Variants in SNX16 observed in about 807,000 individuals in gnomAD.
The protein encoded by SNX16 is sorting nexin 16.
Under a neutral mutation model 36.7 loss-of-function variants are expected in SNX16, and 35 were observed. The ratio of observed to expected loss-of-function variants is 0.95; its 90% confidence interval spans 0.73 to 1.27. SNX16 has a LOEUF of 1.27. Among genes scored for constraint, SNX16 ranks in the 50% most tolerant of loss-of-function variants. The pLI, the probability that SNX16 is intolerant of heterozygous loss-of-function variation, is 0.00. For synonymous variants in SNX16, 134 were observed against 132.0 expected (o/e 1.02, Z -0.10); for missense variants, 367 against 393.6 (o/e 0.93, Z 0.57).
At chr8:81,801,651 T>C (rs1809699316) in intron 7 of SNX16, 58 bp from the exon 8 acceptor site, 1 of 1,036,634 alleles carries the variant, frequency 9.6e-7, no homozygotes, top group Non-Finnish European at 1.4e-6. Flanking sequence ...CATGCTATTA[T>C]TTCATTTTCA....
intron 5 of SNX16, among the ~76,000 whole-genome samples, chr8:81,809,246 T>C (rs1026954215): frequency 6.6e-6 from 1 of 152,174 alleles, no homozygotes; most frequent in Admixed American, 6.5e-5. Context: ...ATAGTTACTG[T>C]TGTGACCTGA....
At chr8:81,838,497 T>C (rs1016581316) in intron 2 of SNX16, among the ~76,000 whole-genome samples, 3 of 151,028 alleles carry the variant, frequency 2.0e-5, no homozygotes, top group African/African-American at 7.3e-5. Flanking sequence ...ACATGATTTA[T>C]GACACAGACA....
At chr8:81,827,045 T>A (rs1811050700) in intron 3 of SNX16, among the ~76,000 whole-genome samples, 1 of 152,176 alleles carries the variant, frequency 6.6e-6, no homozygotes, top group South Asian at 2.1e-4. Flanking sequence ...ACATACTTTT[T>A]AAAAATATTG....
chr8:81,809,750 A>G (rs1372723126), intron 5 of SNX16, among the ~76,000 whole-genome samples: 1 of 152,218 alleles, frequency 6.6e-6, no homozygotes, highest in Non-Finnish European at 1.5e-5. Context: ...TGATATAACA[A>G]ATTTGGGGTG....
chr8:81,811,274 C>T (rs367745708), intron 5 of SNX16, among the ~76,000 whole-genome samples: 25 of 152,186 alleles, frequency 1.6e-4, no homozygotes, highest in African/African-American at 3.1e-4. Flanking sequence ...TTCTGGGAAA[C>T]GATATATCTA....
At chr8:81,806,981 A>G (rs1228846135) in intron 5 of SNX16, among the ~76,000 whole-genome samples, 1 of 152,112 alleles carries the variant, frequency 6.6e-6, no homozygotes, top group Admixed American at 6.5e-5. Context: ...GCAAAGATCT[A>G]TTAATAGGAA....
At chr8:81,835,209 G>A (rs1343404454) in intron 2 of SNX16, among the ~76,000 whole-genome samples, 1 of 152,166 alleles carries the variant, frequency 6.6e-6, no homozygotes, top group African/African-American at 2.4e-5. Context: ...TGGCTGGAGC[G>A]GCTGGGACGC....
rs1809596593 is a variant in SNX16 at position 81,799,720 on chromosome 8, A to G, written c.*1777T>C. The G allele has an allele frequency of 6.6e-6, 1 of 151,950 alleles. No individual in the cohort carries two copies. The highest frequency in any genetic ancestry group is 6.5e-5 in the Admixed American group (1 of 15,272). 9.4% of individuals were successfully genotyped at this position (151,950 alleles called of 1,614,324 possible). The stretch of plus-strand genomic sequence containing the variant: ...AGATTTTTTTCTTCATCCTTGAAGA[A>G]CTTTAAATACAATCTTCCAAAAAGC... On this transcript the variant is annotated 3_prime_UTR_variant, in exon 8 of 8. Coordinates refer to ENST00000345957, the MANE Select transcript of SNX16 (RefSeq NM_152836.3).
intron 5 of SNX16, chr8:81,808,523 A>C: frequency 1.0e-6 from 1 of 978,242 alleles, no homozygotes; most frequent in Non-Finnish European, 1.6e-6. Context: ...GTAATGATGG[A>C]AGCAACTTTG....
At chr8:81,829,883 A>G (rs1811176021) in intron 2 of SNX16, among the ~76,000 whole-genome samples, 1 of 152,198 alleles carries the variant, frequency 6.6e-6, no homozygotes. Flanking sequence ...TTTAAACTTA[A>G]TAACTATCAA....
intron 5 of SNX16, 142 bp from the exon 6 acceptor site, chr8:81,803,370 T>C: frequency 1.1e-6 from 1 of 882,782 alleles, no homozygotes; most frequent in East Asian, 2.8e-5. Context: ...TCCAAATGAT[T>C]TGTTCTCTAC....
At chr8:81,829,541 G>T in intron 2 of SNX16, 25 bp from the exon 3 acceptor site, 1 of 1,041,820 alleles carries the variant, frequency 9.6e-7, no homozygotes, top group Non-Finnish European at 1.3e-6. Context: ...AAAAACAGAC[G>T]GAGAGAAAAA....
At chr8:81,826,657 T>C (rs1811034319) in intron 3 of SNX16, among the ~76,000 whole-genome samples, 1 of 152,140 alleles carries the variant, frequency 6.6e-6, no homozygotes, top group Non-Finnish European at 1.5e-5. Flanking sequence ...GAGGCTCTTA[T>C]CACTCCCAGA....
In SNX16 at chr8:81,799,793, A is replaced by G. The variant is rs527806155; in HGVS notation, c.*1704T>C. Reference sequence around the variant, plus strand: ...CGCTTTAGAACAGACAGGCAACACTATAATATCTAGAATTTGGCAAAGATC... The same window carrying G: ...CGCTTTAGAACAGACAGGCAACACTGTAATATCTAGAATTTGGCAAAGATC... On this transcript the variant is annotated 3_prime_UTR_variant, in exon 8 of 8. Coordinates refer to ENST00000345957, the MANE Select transcript of SNX16 (RefSeq NM_152836.3). The G allele has an allele frequency of 2.4e-4, 36 of 152,088 alleles. No homozygotes were observed. Among genetic ancestry groups the G allele is most frequent in the African/African-American group, 8.2e-4 (34 of 41,562 alleles). The allele number at this position is 152,088 out of a possible 1,614,324, so 9.4% of individuals were successfully genotyped here.
At chr8:81,840,625 A>G (rs1811702348) in intron 1 of SNX16, among the ~76,000 whole-genome samples, 1 of 152,212 alleles carries the variant, frequency 6.6e-6, no homozygotes, top group East Asian at 1.9e-4. Flanking sequence ...GTATAATTCT[A>G]TAGAACCCAG....
At chr8:81,808,829 G>A (rs1563433385) in intron 5 of SNX16, 1 of 710,084 alleles carries the variant, frequency 1.4e-6, no homozygotes, top group Non-Finnish European at 2.5e-6. Flanking sequence ...GCACAGTGGT[G>A]GCAGGGCCTA....
At chr8:81,809,383 A>G (rs958321669) in intron 5 of SNX16, among the ~76,000 whole-genome samples, 29 of 152,328 alleles carry the variant, frequency 1.9e-4, no homozygotes, top group African/African-American at 5.1e-4. Context: ...ATAGATGGGA[A>G]TGAAGCTTGT....
At chr8:81,824,875 T>C (rs993438827) in intron 3 of SNX16, among the ~76,000 whole-genome samples, 4 of 152,144 alleles carry the variant, frequency 2.6e-5, no homozygotes, top group African/African-American at 7.2e-5. Flanking sequence ...AGGCCTCAGC[T>C]GAAAGACTTG....
intron 4 of SNX16, among the ~76,000 whole-genome samples, chr8:81,822,377 G>A (rs534262580): frequency 1.3e-5 from 2 of 152,194 alleles, no homozygotes; most frequent in East Asian, 3.9e-4. Flanking sequence ...TATGGCAAAT[G>A]TACAGAGAAG....
Sources: gnomAD v4.1 joint callset for allele counts (sites outside exome capture counted in the v4.1 genomes callset) on GRCh38, gnomAD v4.1.1 for gene constraint, MANE v1.5 for transcripts, NCBI Gene and HGNC (gene_info 2026-07-23, HGNC 2026-07-21) for gene names.